The following SOCS7 variants were observed in gnomAD, a reference collection of about 807,000 sequenced individuals.
The protein encoded by SOCS7 is NAP-4.
Under a neutral mutation model 58.9 loss-of-function variants are expected in SOCS7, and 18 were observed. The observed-to-expected ratio is 0.31, with a 90% CI of 0.21 to 0.45. SOCS7 has a LOEUF of 0.45. Among genes scored for constraint, SOCS7 ranks in the 20% least tolerant of loss-of-function variants. The pLI is 1.00. For synonymous variants in SOCS7, 388 were observed against 364.3 expected (o/e 1.06, Z -0.74); for missense variants, 667 against 837.3 (o/e 0.80, Z 2.51).
intron 1 of SOCS7, among the ~76,000 whole-genome samples, chr17:38,360,461 G>A (rs2037702072): frequency 6.6e-6 from 1 of 151,880 alleles, no homozygotes; most frequent in East Asian, 1.9e-4. Context: ...AAAGTGTTGG[G>A]ATTACAGGAG....
intron 6 of SOCS7, among the ~76,000 whole-genome samples, chr17:38,377,243 T>G (rs2037943507): frequency 6.6e-6 from 1 of 152,228 alleles, no homozygotes; most frequent in African/African-American, 2.4e-5. Context: ...TTTTCTGATT[T>G]GAAATTATTA....
At chr17:38,366,439 G>A in intron 5 of SOCS7, 22 bp downstream of exon 5, 1 of 1,613,820 alleles carries the variant, frequency 6.2e-7, no homozygotes, top group Non-Finnish European at 8.5e-7. Flanking sequence ...CTAAGGACTG[G>A]CAGGTCACTT....
chr17:38,366,013 T>A, intron 4 of SOCS7: 1 of 1,205,542 alleles, frequency 8.3e-7, no homozygotes, highest in Non-Finnish European at 1.0e-6. Flanking sequence ...GTGAAGCCCC[T>A]GAAGTAGTCA....
At chr17:38,395,789 A>T (rs2144405292) in intron 8 of SOCS7, 59 bp from the exon 9 acceptor site, 2 of 1,537,220 alleles carry the variant, frequency 1.3e-6, no homozygotes, top group East Asian at 4.5e-5. Context: ...CAAAGGAGTT[A>T]CTTCTTTTAT....
At position 38,403,976 on chromosome 17, in the gene SOCS7, GAAAA is replaced by G. The variant is rs1461448368; in HGVS notation, c.*4496_*4499del. 1 of 150,090 alleles carries G rather than the reference GAAAA, an allele frequency of 6.7e-6. No homozygotes were observed. The highest frequency in any genetic ancestry group is 1.9e-4 in the East Asian group (1 of 5,134). The allele number at this position is 150,090 out of a possible 1,614,324, so 9.3% of individuals were successfully genotyped here. On this transcript the variant is annotated 3_prime_UTR_variant, in exon 10 of 10. Transcript: ENST00000612932. Reference sequence around the variant, plus strand: ...AGTAAAACCTTTTTTATTAAAAAAAGAAAAAGAAAAAAAAAAGAAAGAAAAGTGT... The same window carrying G: ...AGTAAAACCTTTTTTATTAAAAAAAGAGAAAAAAAAAAGAAAGAAAAGTGT...
intron 7 of SOCS7, among the ~76,000 whole-genome samples, chr17:38,386,596 C>CAA (rs2038071124): frequency 6.6e-6 from 1 of 151,954 alleles, no homozygotes; most frequent in African/African-American, 2.4e-5. Context: ...TTGGGAGTTG[C>CAA]AAAATGATGA....
rs7221654 is a variant in SOCS7 at position 38,360,304 on chromosome 17, C to A, written c.981-1407C>A. Among the ~76,000 whole-genome samples, 702 of 150,370 alleles carry A rather than the reference C, an allele frequency of 4.7e-3. 6 individuals carry two copies. The highest frequency in any genetic ancestry group is 0.016 in the African/African-American group (639 of 40,922). On this transcript the variant is annotated intron_variant, in intron 1 of 9. Coordinates refer to ENST00000612932, the MANE Select transcript of SOCS7 (RefSeq NM_014598.4). Reference sequence around the variant, plus strand: ...CTTCACCTCCCGGGCTCAGGAAATTCTCCTACCTCAGCCTCCTGAGTAGCT... The same window carrying A: ...CTTCACCTCCCGGGCTCAGGAAATTATCCTACCTCAGCCTCCTGAGTAGCT...
intron 1 of SOCS7, among the ~76,000 whole-genome samples, chr17:38,357,911 A>C (rs183239099): frequency 6.6e-6 from 1 of 152,196 alleles, no homozygotes; most frequent in Non-Finnish European, 1.5e-5. Flanking sequence ...GGTTACATCT[A>C]TGTGTTGTTG....
chr17:38,390,639 TTTTCCTTC>T (rs2038158485), intron 7 of SOCS7, among the ~76,000 whole-genome samples: 1 of 130,064 alleles, frequency 7.7e-6, no homozygotes, highest in Admixed American at 8.3e-5. Flanking sequence ...CTTTTGTTCG[TTTTCCTTC>T]CTTCCTTCCT....
At chr17:38,365,840 A>T (rs1244061255) in intron 4 of SOCS7, 1 of 280,550 alleles carries the variant, frequency 3.6e-6, no homozygotes, top group East Asian at 1.4e-4. Context: ...CTGCTTTGCC[A>T]GCTTACAGTA....
At chr17:38,368,786 C>A (rs2037824986) in intron 6 of SOCS7, among the ~76,000 whole-genome samples, 2 of 152,116 alleles carry the variant, frequency 1.3e-5, no homozygotes, top group African/African-American at 4.8e-5. Context: ...ACAGGTGTGT[C>A]TGAATTTCTT....
rs1309458991 is a variant in SOCS7, at chr17:38,404,199, G to A, written c.*4717G>A. 6.6e-6 allele frequency: 1 copy of A among 152,138 alleles called. No individual in the cohort carries two copies. Among genetic ancestry groups the A allele is most frequent in the Non-Finnish European group, 1.5e-5 (1 of 68,028 alleles). The allele number at this position is 152,138 out of a possible 1,614,324, so 9.4% of individuals were successfully genotyped here. On this transcript the variant is annotated 3_prime_UTR_variant, in exon 10 of 10. Coordinates refer to ENST00000612932, the MANE Select transcript of SOCS7 (RefSeq NM_014598.4). ...GTTGGATCATAGAGACAGGCGCTGG[G>A]GACTCGGGTACTGCAGTTAGGAAAG...
intron 6 of SOCS7, among the ~76,000 whole-genome samples, chr17:38,372,541 T>C (rs1377500699): frequency 3.3e-5 from 5 of 152,160 alleles, no homozygotes; most frequent in African/African-American, 1.2e-4. Flanking sequence ...ACCATGTGAG[T>C]GTTTATCTCT....
rs890427293 is a variant in SOCS7, at chr17:38,403,837, C to T, written c.*4355C>T. On this transcript the variant is annotated 3_prime_UTR_variant, in exon 10 of 10. Transcript: ENST00000612932. ...TGGATAAGTGATTTTTATCTCTAAT[C>T]GTCAACACAGCTGTTCTTCCACTGA... 1.3e-5 allele frequency: 2 copies of T among 152,122 alleles called. No individual in the cohort carries two copies. The highest frequency in any genetic ancestry group is 2.9e-5 in the Non-Finnish European group (2 of 68,034). The allele number at this position is 152,122 out of a possible 1,614,324, so 9.4% of individuals were successfully genotyped here. A position where few individuals can be genotyped will look rare whatever the true frequency, so the allele number is the denominator to read the frequency against.
Position 38,352,824 on chromosome 17 carries a change from C to T in SOCS7, c.772C>T (p.Pro258Ser), listed in dbSNP as rs1202015484. The T allele has an allele frequency of 3.2e-6, 5 of 1,563,616 alleles. No individual in the cohort carries two copies. Among genetic ancestry groups the T allele is most frequent in the East Asian group, 2.4e-5 (1 of 41,772 alleles). ...QQQQPPPPPP[P>S]PGPLRPLAGP... is the part of the protein sequence containing the mutation. The stretch of plus-strand genomic sequence containing the variant: ...GCAGCAACCTCCCCCGCCCCCGCCT[C>T]CTCCCGGGCCCCTCCGGCCACTCGC... Residue 258 changes from proline (P) to serine (S), a missense_variant, in exon 1 of 10, where the codon CCT (proline) becomes TCT (serine). Transcript: ENST00000612932. The surrounding 1 kb of genome is among the most constrained non-coding windows in gnomAD (Gnocchi z 5.5).
chr17:38,383,180 G>C (rs955633888), intron 7 of SOCS7, among the ~76,000 whole-genome samples: 1 of 152,204 alleles, frequency 6.6e-6, no homozygotes, highest in African/African-American at 2.4e-5. Flanking sequence ...TCTTAGGCAT[G>C]AACTGAACCT....
chr17:38,361,779 A>G lies in SOCS7; in HGVS notation c.1045+4A>G. 3 of 1,603,954 alleles carry G rather than the reference A, an allele frequency of 1.9e-6. No individual in the cohort carries two copies. Among genetic ancestry groups the G allele is most frequent in the Non-Finnish European group, 2.6e-6 (3 of 1,174,746 alleles). On this transcript the variant is annotated splice_donor_region_variant and intron_variant, in intron 2 of 9. Transcript: ENST00000612932. ...TCCTTCAGCCCCCTGTTCACAGGTA[A>G]GGGTAATATCTTTCTCTCTTCTGAC...
Position 38,371,532 on chromosome 17 carries a change from AGTGTTGGG to A in SOCS7, c.1552+3483_1552+3490del, listed in dbSNP as rs2037865030. 4.9e-4 allele frequency among the ~76,000 whole-genome samples: 3 copies of A among 6,148 alleles called. No individual in the cohort carries two copies. In the East Asian group the frequency reaches 0.022, roughly 45 times the overall value. 4.0% of individuals were successfully genotyped at this position (6,148 alleles called of 152,430 possible). Reference sequence around the variant, plus strand: ...GGATCTGCCCACCTCAGCCTCCCAAAGTGTTGGGATTACTGGCGAACTCCTGACCTCAG... The same window carrying A: ...GGATCTGCCCACCTCAGCCTCCCAAAATTACTGGCGAACTCCTGACCTCAG... On this transcript the variant is annotated intron_variant, in intron 6 of 9. Coordinates refer to ENST00000612932, the MANE Select transcript of SOCS7 (RefSeq NM_014598.4).
At chr17:38,367,693 T>C (rs2037809786) in intron 5 of SOCS7, among the ~76,000 whole-genome samples, 189 bp from the exon 6 acceptor site, 2 of 152,238 alleles carry the variant, frequency 1.3e-5, no homozygotes. Context: ...ATTCTGTTAC[T>C]TTGGAGGGCT....
Sources: allele counts gnomAD v4.1 joint callset (sites outside exome capture counted in the v4.1 genomes callset), GRCh38; gene constraint gnomAD v4.1.1; non-coding constraint Gnocchi (gnomAD v3.1); transcripts MANE v1.5; gene names NCBI Gene and HGNC (gene_info 2026-07-23, HGNC 2026-07-21).